Variants in SEMA4D observed in about 807,000 individuals in gnomAD.
SEMA4D encodes semaphorin-4D.
Under a neutral mutation model 74.8 loss-of-function variants are expected in SEMA4D, and 22 were observed. That is an observed-to-expected ratio of 0.29 (90% CI 0.21 to 0.42). The LOEUF is 0.42. Ranked by LOEUF, SEMA4D falls within the 10% of genes least tolerant of loss-of-function variation. The pLI is 1.00. For synonymous variants in SEMA4D, 445 were observed against 463.7 expected (o/e 0.96, Z 0.52); for missense variants, 937 against 1,118.4 (o/e 0.84, Z 2.31).
chr9:89,378,286 A>G lies in SEMA4D; in HGVS notation c.*418T>C, dbSNP rs982759145. The G allele has an allele frequency of 6.0e-5, 10 of 166,578 alleles. No homozygotes were observed. The highest frequency in any genetic ancestry group is 1.0e-4 in the Non-Finnish European group (8 of 76,228). The allele number at this position is 166,578 out of a possible 1,614,324, so 10.3% of individuals were successfully genotyped here. A position where few individuals can be genotyped will look rare whatever the true frequency, so the allele number is the denominator to read the frequency against. On this transcript the variant is annotated 3_prime_UTR_variant, in exon 16 of 16. Transcript: ENST00000422704. ...CTGGACAACAGGCGATAAGTTACCA[A>G]TCTGATAAACTAAAATGTCATTTCC...
intron 2 of SEMA4D, among the ~76,000 whole-genome samples, chr9:89,407,946 G>A (rs943624612): frequency 5.9e-5 from 9 of 152,206 alleles, no homozygotes; most frequent in African/African-American, 2.2e-4. Flanking sequence ...TGGTAATTAG[G>A]AGTGGCTCCC....
At chr9:89,420,503 C>A (rs1243364968) in intron 2 of SEMA4D, among the ~76,000 whole-genome samples, 2 of 152,190 alleles carry the variant, frequency 1.3e-5, no homozygotes, top group Non-Finnish European at 2.9e-5. Flanking sequence ...CCTGGTGCAC[C>A]CCCTCTAGTG....
At chr9:89,445,980 AC>A (rs1037061404) in intron 2 of SEMA4D, among the ~76,000 whole-genome samples, 2 of 151,078 alleles carry the variant, frequency 1.3e-5, no homozygotes, top group Non-Finnish European at 3.0e-5. Flanking sequence ...CATGTCCCGG[AC>A]CCCCTCCCTT....
chr9:89,423,874 C>A (rs1847540660), intron 2 of SEMA4D, among the ~76,000 whole-genome samples: 1 of 149,168 alleles, frequency 6.7e-6, no homozygotes. Context: ...ACCTCCCCTC[C>A]CTCAGCTATT....
Position 89,387,603 on chromosome 9 carries a change from G to A in SEMA4D, c.1113C>T (p.Ile371=), listed in dbSNP as rs549309784. The A allele has an allele frequency of 2.7e-5, 43 of 1,613,758 alleles. No homozygotes were observed. The highest frequency in any genetic ancestry group is 1.7e-4 in the Middle Eastern group (1 of 5,912). ...PVPKPRPGAC[I]DSEARAANYT... ...AGTTGGCGGCCCGTGCCTCGCTGTC[G>A]ATGCACTGCAGGGAGAAAATCCCCG... Residue 371 remains isoleucine (I), a synonymous_variant, in exon 12 of 16, where the codon ATC becomes ATT. Transcript: ENST00000422704.
chr9:89,480,984 T>A (rs1004297983), intron 1 of SEMA4D, among the ~76,000 whole-genome samples: 2 of 152,226 alleles, frequency 1.3e-5, no homozygotes, highest in African/African-American at 4.8e-5. Context: ...CACCTCTCAC[T>A]ATCAGTACAT....
At chr9:89,435,438 G>A (rs1406441931) in intron 2 of SEMA4D, among the ~76,000 whole-genome samples, 2 of 152,110 alleles carry the variant, frequency 1.3e-5, no homozygotes, top group African/African-American at 2.4e-5. Flanking sequence ...TGGCTGCTTT[G>A]CCCTGTTTCT....
intron 2 of SEMA4D, among the ~76,000 whole-genome samples, chr9:89,419,137 G>A (rs1333813681): frequency 6.6e-6 from 1 of 152,060 alleles, no homozygotes. Context: ...TCTGAACCCT[G>A]AGCAGGCACC....
rs151199257 is a variant in SEMA4D at position 89,463,600 on chromosome 9, A to G, written c.-309-7647T>C. 1.8e-3 allele frequency among the ~76,000 whole-genome samples: 267 copies of G among 152,284 alleles called. 1 individual carries two copies. Among genetic ancestry groups the G allele is most frequent in the African/African-American group, 6.2e-3 (256 of 41,546 alleles). ...AACTAATTAGCGTCAACCAGTCTCC[A>G]AAGTGTATTCACAACACAAGGTCTC... On this transcript the variant is annotated intron_variant, in intron 1 of 15. Transcript: ENST00000422704.
Position 89,461,700 on chromosome 9 carries a change from C to CTCTCTCTTT in SEMA4D, c.-309-5748_-309-5747insAAAGAGAGA, listed in dbSNP as rs71281350. Among the ~76,000 whole-genome samples the CTCTCTCTTT allele has an allele frequency of 5.5e-3, 567 of 103,638 alleles. 20 individuals carry two copies. The highest frequency in any genetic ancestry group is 0.019 in the African/African-American group (544 of 28,826). The allele number at this position is 103,638 out of a possible 152,430, so 68.0% of individuals were successfully genotyped here. On this transcript the variant is annotated intron_variant, in intron 1 of 15. Coordinates refer to ENST00000422704, the MANE Select transcript of SEMA4D (RefSeq NM_001371194.2). ...GGGCCAATGTGTATTTCTTTTTTCT[C>CTCTCTCTTT]TTTTTTTTTTTTTTTTTTTGGAGAC...
intron 6 of SEMA4D, 96 bp downstream of exon 6, chr9:89,396,641 T>A: frequency 9.9e-7 from 1 of 1,013,570 alleles, no homozygotes; most frequent in East Asian, 2.7e-5. Flanking sequence ...TATTTTTTTT[T>A]AGGGTGGAGA....
rs1181620023 is a variant in SEMA4D, at chr9:89,379,305, G to A, written c.1988C>T (p.Thr663Ile). Residue 663 changes from threonine to isoleucine, a missense_variant, in exon 16 of 16, where the codon ACA (threonine) becomes ATA (isoleucine). Coordinates refer to ENST00000422704, the MANE Select transcript of SEMA4D (RefSeq NM_001371194.2). ...TTTGGTGGCAATCCTACTACCTTCT[G>A]TCTGAACAACTGACAAGGTGGGGGC... ...VVAPTLSVVQ[T>I]EGSRIATKVL... 5.6e-6 allele frequency: 9 copies of A among 1,614,076 alleles called. No homozygotes were observed. Among genetic ancestry groups the A allele is most frequent in the Non-Finnish European group, 7.6e-6 (9 of 1,180,054 alleles).
chr9:89,493,656 C>G (rs1002888694), intron 1 of SEMA4D, among the ~76,000 whole-genome samples: 6 of 152,236 alleles, frequency 3.9e-5, no homozygotes, highest in Non-Finnish European at 7.3e-5. Context: ...TAATTTCTTG[C>G]AACAGATCAG....
At chr9:89,369,235 C>T (rs898650968) in intron 16 of SEMA4D, 3 of 152,198 alleles carry the variant, frequency 2.0e-5, no homozygotes, top group Non-Finnish European at 2.9e-5. Context: ...CTGCTAGGAA[C>T]GGGGGCCCTC....
At chr9:89,388,824 T>A (rs573810566) in intron 10 of SEMA4D, 32 bp from the exon 11 acceptor site, 1 of 1,606,632 alleles carries the variant, frequency 6.2e-7, no homozygotes, top group African/African-American at 1.3e-5. Flanking sequence ...CGGGACCACC[T>A]GGCGGCATCA....
intron 16 of SEMA4D, among the ~76,000 whole-genome samples, chr9:89,371,750 TGTG>T (rs1345008828): frequency 4.2e-5 from 2 of 47,620 alleles, no homozygotes; most frequent in Non-Finnish European, 7.9e-5. Flanking sequence ...GTGTGTCGGG[TGTG>T]GTGTGTGTGT....
intron 16 of SEMA4D, among the ~76,000 whole-genome samples, chr9:89,372,156 T>G (rs532518348): frequency 5.6e-5 from 1 of 18,000 alleles, no homozygotes; most frequent in Non-Finnish European, 9.1e-5. Flanking sequence ...GTGTGTCGGG[T>G]GTGTGTGTGG....
intron 1 of SEMA4D, among the ~76,000 whole-genome samples, chr9:89,482,675 A>G (rs1324763943): frequency 1.3e-5 from 2 of 152,166 alleles, no homozygotes; most frequent in Admixed American, 6.5e-5. Flanking sequence ...AGCAACTACA[A>G]TGTAAGTGCT....
intron 1 of SEMA4D, among the ~76,000 whole-genome samples, chr9:89,485,303 T>C (rs751923999): frequency 6.6e-6 from 1 of 152,218 alleles, no homozygotes; most frequent in Non-Finnish European, 1.5e-5. Context: ...GAGTGACCAA[T>C]GTTACTATGG....
Sources: gnomAD v4.1 joint callset for allele counts (sites outside exome capture counted in the v4.1 genomes callset) on GRCh38, gnomAD v4.1.1 for gene constraint, MANE v1.5 for transcripts, NCBI Gene and HGNC (gene_info 2026-07-23, HGNC 2026-07-21) for gene names.